Variants in MYO6 observed in about 807,000 individuals in gnomAD.
MYO6 encodes myosin VI.
MYO6 carries 74 observed loss-of-function variants against 178.7 expected under a neutral mutation model. The ratio of observed to expected loss-of-function variants is 0.41; its 90% CI spans 0.34 to 0.50. The LOEUF (loss-of-function observed/expected upper bound fraction) is 0.50, where lower values mean the gene tolerates loss of function less well. Ranked by LOEUF, MYO6 falls within the 20% of genes least tolerant of loss-of-function variation. The pLI is 0.09. For missense variants in MYO6, 1,330 were observed against 1,547.4 expected, an observed-to-expected ratio of 0.86 and a Z score of 2.36; for synonymous variants, 477 against 504.6, an observed-to-expected ratio of 0.95 and a Z score of 0.73.
rs1562168465 is a variant in MYO6 at position 75,794,748 on chromosome 6, ATAAAAAAAAAAAT to A, written c.-47-22752_-47-22740del. 4.8e-4 allele frequency among the ~76,000 whole-genome samples: 62 copies of A among 128,076 alleles called. 1 individual carries two copies. The highest frequency in any genetic ancestry group is 2.8e-3 in the African/African-American group (61 of 22,160). The allele number at this position is 128,076 out of a possible 152,430, so 84.0% of individuals were successfully genotyped here. A position where few individuals can be genotyped will look rare whatever the true frequency, so the allele number is the denominator to read the frequency against. ...TATATAAGCAAAAAAAATAAAAAAA[ATAAAAAAAAAAAT>A]AAAATGTGCTCTTTTATCACCTAAT... is the stretch of plus-strand genomic sequence containing the variant. On this transcript the variant is annotated intron_variant, in intron 1 of 34. Coordinates refer to ENST00000369977, the MANE Select transcript of MYO6 (RefSeq NM_004999.4).
intron 1 of MYO6, among the ~76,000 whole-genome samples, chr6:75,794,187 A>G (rs556336299): frequency 2.0e-5 from 3 of 152,228 alleles, no homozygotes; most frequent in Non-Finnish European, 4.4e-5. Context: ...AAGAGTGGCA[A>G]TCTTATAGAA....
chr6:75,799,573 A>G (rs1260359365), intron 1 of MYO6, among the ~76,000 whole-genome samples: 1 of 152,164 alleles, frequency 6.6e-6, no homozygotes, highest in East Asian at 1.9e-4. Flanking sequence ...GCAAGCAAAT[A>G]TATAGACTTG....
chr6:75,817,116 T>A (rs1771338139), intron 1 of MYO6, among the ~76,000 whole-genome samples: 2 of 152,006 alleles, frequency 1.3e-5, no homozygotes, highest in African/African-American at 4.8e-5. Context: ...CCATCCTGGC[T>A]AACACGGTGA....
intron 18 of MYO6, among the ~76,000 whole-genome samples, chr6:75,868,804 G>T (rs1004613780): frequency 1.2e-4 from 18 of 152,036 alleles, no homozygotes; most frequent in African/African-American, 4.3e-4. Context: ...TTTTCTATTG[G>T]AAAGTGCCTT....
chr6:75,780,520 A>T (rs1329031102), intron 1 of MYO6, among the ~76,000 whole-genome samples: 6 of 152,194 alleles, frequency 3.9e-5, no homozygotes, highest in Admixed American at 1.3e-4. Context: ...CTTTATAGAG[A>T]CAACATAAGG....
chr6:75,811,929 A>G (rs1562193364), intron 1 of MYO6, among the ~76,000 whole-genome samples: 1 of 152,236 alleles, frequency 6.6e-6, no homozygotes, highest in Non-Finnish European at 1.5e-5. Flanking sequence ...AAGGACAAAG[A>G]TAAAAATCGA....
chr6:75,881,434 C>A (rs547315839), intron 22 of MYO6, among the ~76,000 whole-genome samples: 9 of 115,536 alleles, frequency 7.8e-5, no homozygotes, highest in South Asian at 3.5e-4. Context: ...CCCCCCCCCC[C>A]ACTTTTGTTA....
rs569112609 is a variant in MYO6, at chr6:75,915,412, C to A, written c.*400C>A. The A allele has an allele frequency of 4.8e-6, 1 of 206,820 alleles. No homozygotes were observed. The highest frequency in any genetic ancestry group is 2.3e-5 in the African/African-American group (1 of 43,122). The allele number at this position is 206,820 out of a possible 1,614,324, so 12.8% of individuals were successfully genotyped here. On this transcript the variant is annotated 3_prime_UTR_variant, in exon 35 of 35. Coordinates refer to ENST00000369977, the MANE Select transcript of MYO6 (RefSeq NM_004999.4). ...ACTGGAGTAATAAAACATGAGCTTACATTCTTACAATAACTAAACCACTTA... is the reference window on the plus strand; with the variant it reads ...ACTGGAGTAATAAAACATGAGCTTAAATTCTTACAATAACTAAACCACTTA...
Position 75,879,978 on chromosome 6 carries a change from C to G in MYO6, c.2208+28C>G, listed in dbSNP as rs759097684. ...ATAAATGCCACCCAAATTGAAATTT[C>G]TTAGCTATGAACTTGTCTTTTCTAT... On this transcript the variant is annotated intron_variant, in intron 21 of 34. Coordinates refer to ENST00000369977, the MANE Select transcript of MYO6 (RefSeq NM_004999.4). 2.5e-6 allele frequency: 4 copies of G among 1,613,788 alleles called. No homozygotes were observed. In the East Asian group the frequency reaches 8.9e-5, roughly 36 times the overall value.
chr6:75,876,748 T>G (rs903983912), intron 20 of MYO6, among the ~76,000 whole-genome samples: 16 of 152,168 alleles, frequency 1.1e-4, no homozygotes, highest in Non-Finnish European at 2.2e-4. Flanking sequence ...TACTTTGATT[T>G]TTTTAAGTAT....
chr6:75,816,665 G>A (rs1562199799), intron 1 of MYO6, among the ~76,000 whole-genome samples: 1 of 152,162 alleles, frequency 6.6e-6, no homozygotes, highest in Non-Finnish European at 1.5e-5. Context: ...GATGAGCTTC[G>A]GGAGCACATC....
intron 19 of MYO6, among the ~76,000 whole-genome samples, chr6:75,872,338 C>G (rs1316871171): frequency 6.6e-6 from 1 of 152,076 alleles, no homozygotes; most frequent in Non-Finnish European, 1.5e-5. Context: ...ATAATTGATT[C>G]CAAATGAATG....
chr6:75,755,693 G>T (rs1350350985), intron 1 of MYO6, among the ~76,000 whole-genome samples: 2 of 152,194 alleles, frequency 1.3e-5, no homozygotes, highest in African/African-American at 4.8e-5. Flanking sequence ...ACTCACTAAA[G>T]AACTGTGTGT....
chr6:75,775,070 A>G lies in MYO6; in HGVS notation c.-48+25647A>G, dbSNP rs149375547. Among the ~76,000 whole-genome samples, 39 of 152,296 alleles carry G rather than the reference A, an allele frequency of 2.6e-4. No homozygotes were observed. In the East Asian group the frequency reaches 7.1e-3, roughly 28 times the overall value. Reference sequence around the variant, plus strand: ...CAGCCTCCCAAAGTGTTGGGATTTCAGGTGTGAGCCACCACGTCCGGTGAG... The same window carrying G: ...CAGCCTCCCAAAGTGTTGGGATTTCGGGTGTGAGCCACCACGTCCGGTGAG... On this transcript the variant is annotated intron_variant, in intron 1 of 34. Coordinates refer to ENST00000369977, the MANE Select transcript of MYO6 (RefSeq NM_004999.4).
At chr6:75,837,463 T>A (rs1773761331) in intron 7 of MYO6, among the ~76,000 whole-genome samples, 1 of 152,180 alleles carries the variant, frequency 6.6e-6, no homozygotes, top group Non-Finnish European at 1.5e-5. Context: ...CCTCCTGGGC[T>A]CAAGCAATCC....
intron 25 of MYO6, among the ~76,000 whole-genome samples, chr6:75,887,309 A>G (rs1215567992): frequency 6.6e-6 from 1 of 152,190 alleles, no homozygotes; most frequent in African/African-American, 2.4e-5. Context: ...TTACCTGTGT[A>G]ACAAACCTGC....
intron 1 of MYO6, among the ~76,000 whole-genome samples, chr6:75,796,226 A>T (rs983314522): frequency 6.6e-6 from 1 of 152,102 alleles, no homozygotes; most frequent in Non-Finnish European, 1.5e-5. Context: ...ATGCATATCT[A>T]ATTAGGTGAC....
At position 75,918,394 on chromosome 6, in the gene MYO6, G is replaced by A. The variant is rs1200704659; in HGVS notation, c.*3382G>A. On this transcript the variant is annotated 3_prime_UTR_variant, in exon 35 of 35. Coordinates refer to ENST00000369977, the MANE Select transcript of MYO6 (RefSeq NM_004999.4). ...TGCCCCTAAAGATTCTGCACCCCCA[G>A]TTTGGAAACACTGATACATTTTAGG... 1 of 152,308 alleles carries A rather than the reference G, an allele frequency of 6.6e-6. No homozygotes were observed. The highest frequency in any genetic ancestry group is 2.1e-4 in the South Asian group (1 of 4,828). The allele number at this position is 152,308 out of a possible 1,614,324, so 9.4% of individuals were successfully genotyped here.
chr6:75,907,198 TAAAC>T (rs1421214287), intron 30 of MYO6, among the ~76,000 whole-genome samples: 1 of 152,346 alleles, frequency 6.6e-6, no homozygotes, highest in Non-Finnish European at 1.5e-5. Flanking sequence ...TCATTGCTCA[TAAAC>T]AAAACTTTAA....
Sources: allele counts gnomAD v4.1 joint callset (sites outside exome capture counted in the v4.1 genomes callset), GRCh38; gene constraint gnomAD v4.1.1; transcripts MANE v1.5; gene names NCBI Gene and HGNC (gene_info 2026-07-23, HGNC 2026-07-21).